ZPBP: variants seen among roughly 807,000 people sequenced by gnomAD.
ZPBP encodes the protein zona pellucida binding protein.
Under a neutral mutation model 44.8 loss-of-function variants are expected in ZPBP, and 26 were observed. That is an observed-to-expected ratio of 0.58 (90% confidence interval 0.43 to 0.81). The LOEUF is 0.81. Ranked by LOEUF, ZPBP falls within the 30% of genes least tolerant of loss-of-function variation. ZPBP has a pLI of 0.00. For synonymous variants in ZPBP, 174 were observed against 153.2 expected, an observed-to-expected ratio of 1.14 and a Z score of -1.00; for missense variants, 409 against 434.0, an observed-to-expected ratio of 0.94 and a Z score of 0.51.
intron 2 of ZPBP, among the ~76,000 whole-genome samples, chr7:50,089,419 T>C (rs1802834803): frequency 6.6e-6 from 1 of 152,032 alleles, no homozygotes; most frequent in East Asian, 1.9e-4. Context: ...TAGAAATAAT[T>C]ATTCTTTGTA....
At chr7:50,018,860 C>G (rs1242707822) in intron 5 of ZPBP, among the ~76,000 whole-genome samples, 1 of 151,830 alleles carries the variant, frequency 6.6e-6, no homozygotes, top group Non-Finnish European at 1.5e-5. Flanking sequence ...TTGCCAGGAG[C>G]CTACTGTGTG....
chr7:49,957,478 T>C (rs1045383889), intron 7 of ZPBP, among the ~76,000 whole-genome samples: 1 of 152,142 alleles, frequency 6.6e-6, no homozygotes, highest in Non-Finnish European at 1.5e-5. Flanking sequence ...GTTCCCTGCA[T>C]TCTGGCACAG....
intron 2 of ZPBP, among the ~76,000 whole-genome samples, chr7:49,859,213 T>TA (rs1482347709): frequency 6.6e-6 from 1 of 152,260 alleles, no homozygotes; most frequent in African/African-American, 2.4e-5. Context: ...TTAAGGGTTT[T>TA]ATATATTGCA....
intron 7 of ZPBP, among the ~76,000 whole-genome samples, chr7:49,971,046 T>A (rs1450379120): frequency 2.0e-5 from 3 of 151,580 alleles, no homozygotes; most frequent in Admixed American, 1.3e-4. Flanking sequence ...CCCATATCAA[T>A]AAAAAAATTT....
chr7:50,079,643 G>C (rs1037952809), intron 3 of ZPBP, among the ~76,000 whole-genome samples: 20 of 151,524 alleles, frequency 1.3e-4, no homozygotes, highest in African/African-American at 4.8e-4. Context: ...GTATAGAATG[G>C]TAAATACAGT....
intron 7 of ZPBP, among the ~76,000 whole-genome samples, chr7:49,965,475 A>G (rs1279284790): frequency 1.3e-5 from 2 of 152,100 alleles, no homozygotes; most frequent in Non-Finnish European, 1.5e-5. Context: ...AAAATGAAAT[A>G]CTCTTCAATA....
intron 3 of ZPBP, among the ~76,000 whole-genome samples, chr7:50,062,828 G>A (rs1344707239): frequency 6.6e-6 from 1 of 152,160 alleles, no homozygotes; most frequent in African/African-American, 2.4e-5. Flanking sequence ...AGCACTCATA[G>A]TGCCTGGTTT....
Position 49,877,481 on chromosome 7 carries a change from AATATATATATAT to A in ZPBP, n.509+23625_509+23636del, listed in dbSNP as rs1220691094. On this transcript the variant is annotated intron_variant and non_coding_transcript_variant, in intron 2 of 2. Transcript: ENST00000465922. Reference sequence around the variant, plus strand: ...CTGTCTCAAAAAAAAAAAAAAAAAAAATATATATATATATATATATATATATATATATATATA... The same window carrying A: ...CTGTCTCAAAAAAAAAAAAAAAAAAAATATATATATATATATATATATATA... Among the ~76,000 whole-genome samples the A allele has an allele frequency of 6.9e-3, 88 of 12,730 alleles. 9 individuals carry two copies. The South Asian group carries it at 0.14, about 21-fold the overall frequency. 8.4% of individuals were successfully genotyped at this position (12,730 alleles called of 152,430 possible).
intron 6 of ZPBP, 21 bp from the exon 7 acceptor site, chr7:49,983,540 G>C: frequency 1.4e-6 from 2 of 1,448,568 alleles, no homozygotes; most frequent in Non-Finnish European, 1.9e-6. Flanking sequence ...AATACAATTT[G>C]ATAAACTGTT....
intron 5 of ZPBP, among the ~76,000 whole-genome samples, chr7:50,030,193 G>C (rs1799539224): frequency 6.6e-6 from 1 of 151,974 alleles, no homozygotes; most frequent in Non-Finnish European, 1.5e-5. Flanking sequence ...CCAGGGGCTG[G>C]GGAAAAACTC....
chr7:49,947,772 CCAG>C (rs778509305), intron 7 of ZPBP, among the ~76,000 whole-genome samples: 7 of 152,208 alleles, frequency 4.6e-5, no homozygotes, highest in Non-Finnish European at 7.3e-5. Flanking sequence ...GTGAGTCCAG[CCAG>C]GCTCATATCC....
chr7:49,871,480 T>A (rs1464166446), intron 2 of ZPBP, among the ~76,000 whole-genome samples: 1 of 152,162 alleles, frequency 6.6e-6, no homozygotes, highest in African/African-American at 2.4e-5. Flanking sequence ...AGTGACTAAA[T>A]CAGTGACTTT....
At chr7:50,034,251 C>G (rs1378629499) in intron 4 of ZPBP, among the ~76,000 whole-genome samples, 2 of 151,322 alleles carry the variant, frequency 1.3e-5, no homozygotes, top group South Asian at 4.2e-4. Context: ...GACTATGACT[C>G]TGCAGACTAA....
At chr7:49,853,785 T>C (rs1020012270) in intron 2 of ZPBP, among the ~76,000 whole-genome samples, 1 of 152,162 alleles carries the variant, frequency 6.6e-6, no homozygotes, top group African/African-American at 2.4e-5. Flanking sequence ...TACATATGTA[T>C]ACGTGTGCCA....
At chr7:49,843,161 T>C in the ZPBP span, among the ~76,000 whole-genome samples, 2 of 152,172 alleles carry the variant, frequency 1.3e-5, no homozygotes, top group East Asian at 1.9e-4. Context: ...AGTGAGAACA[T>C]GCAGTTTTCT....
intron 1 of ZPBP, among the ~76,000 whole-genome samples, chr7:49,908,146 G>A (rs1316955053): frequency 6.6e-6 from 1 of 152,210 alleles, no homozygotes; most frequent in Non-Finnish European, 1.5e-5. Flanking sequence ...AGTCAGGCTG[G>A]AATTTGGTTT....
At chr7:50,032,018 C>T (rs777501281) in intron 4 of ZPBP, among the ~76,000 whole-genome samples, 99 of 152,296 alleles carry the variant, frequency 6.5e-4, no homozygotes, top group Non-Finnish European at 1.1e-3. Flanking sequence ...TCCTGGATTA[C>T]GCTCAGGAAA....
At chr7:50,001,790 A>C (rs960906294) in intron 6 of ZPBP, among the ~76,000 whole-genome samples, 1 of 152,198 alleles carries the variant, frequency 6.6e-6, no homozygotes, top group African/African-American at 2.4e-5. Flanking sequence ...GGAAATTAGA[A>C]TCTGGGAATG....
intron 3 of ZPBP, among the ~76,000 whole-genome samples, chr7:50,080,629 T>C (rs1490641964): frequency 6.6e-6 from 1 of 151,814 alleles, no homozygotes; most frequent in East Asian, 1.9e-4. Flanking sequence ...CAATATAAAA[T>C]GTAAAACATA....
Sources: allele counts gnomAD v4.1 joint callset (sites outside exome capture counted in the v4.1 genomes callset), GRCh38; gene constraint gnomAD v4.1.1; transcripts MANE v1.5; gene names NCBI Gene and HGNC (gene_info 2026-07-23, HGNC 2026-07-21).